ANKS1B: variants seen among roughly 807,000 people sequenced by gnomAD.
ANKS1B encodes ankyrin repeat and sterile alpha motif domain-containing protein 1B.
ANKS1B carries 36 observed loss-of-function variants against 148.3 expected under a neutral mutation model. That is an observed-to-expected ratio of 0.24 (90% confidence interval 0.19 to 0.32). ANKS1B has a LOEUF of 0.32. Among genes scored for constraint, ANKS1B ranks in the 10% least tolerant of loss-of-function variants. The pLI is 1.00. For missense variants in ANKS1B, 1,157 were observed against 1,542.6 expected (o/e 0.75, Z 4.19); for synonymous variants, 542 against 560.8 (o/e 0.97, Z 0.47).
At chr12:98,765,061 A>G (rs1031011871) in intron 25 of ANKS1B, among the ~76,000 whole-genome samples, 4 of 152,242 alleles carry the variant, frequency 2.6e-5, no homozygotes, top group African/African-American at 9.6e-5. Flanking sequence ...AAACCGGGAC[A>G]TAAAGCCTCA....
intron 17 of ANKS1B, among the ~76,000 whole-genome samples, chr12:98,858,411 A>G (rs556800113): frequency 6.6e-6 from 1 of 152,340 alleles, no homozygotes; most frequent in African/African-American, 2.4e-5. Context: ...TGCTGAGATC[A>G]TGGCTCACTG....
At chr12:98,949,823 T>G (rs2099851361) in intron 17 of ANKS1B, 2 of 152,192 alleles carry the variant, frequency 1.3e-5, no homozygotes, top group Non-Finnish European at 2.9e-5. Flanking sequence ...ATCTACTGAT[T>G]TTCTGATCTG....
At chr12:98,935,392 T>C (rs2099817626) in intron 17 of ANKS1B, among the ~76,000 whole-genome samples, 1 of 152,224 alleles carries the variant, frequency 6.6e-6, no homozygotes, top group Admixed American at 6.5e-5. Flanking sequence ...TTGTTGAAGA[T>C]TTCTGCATCT....
At chr12:99,253,675 T>C (rs545523516) in intron 12 of ANKS1B, among the ~76,000 whole-genome samples, 6 of 152,292 alleles carry the variant, frequency 3.9e-5, no homozygotes, top group African/African-American at 1.2e-4. Context: ...ATTTAAAAGT[T>C]TGACTAGGAA....
At chr12:99,556,626 G>T (rs918953181) in intron 9 of ANKS1B, among the ~76,000 whole-genome samples, 1 of 152,088 alleles carries the variant, frequency 6.6e-6, no homozygotes, top group Non-Finnish European at 1.5e-5. Context: ...ATGTCCCAGA[G>T]ATTCTGATAT....
intron 9 of ANKS1B, chr12:99,647,899 C>T (rs1055206824): frequency 7.0e-6 from 3 of 426,416 alleles, no homozygotes; most frequent in African/African-American, 5.8e-5. Flanking sequence ...TGTGCCCGGA[C>T]ATCCACGAGG....
At chr12:98,916,948 C>A (rs2099795162) in intron 17 of ANKS1B, among the ~76,000 whole-genome samples, 1 of 151,568 alleles carries the variant, frequency 6.6e-6, no homozygotes, top group African/African-American at 2.4e-5. Flanking sequence ...TTATAGCAGC[C>A]CTAGTATTCA....
intron 9 of ANKS1B, among the ~76,000 whole-genome samples, chr12:99,642,573 T>C (rs918565648): frequency 1.3e-5 from 2 of 152,132 alleles, no homozygotes; most frequent in South Asian, 4.1e-4. Context: ...TCCAGCACTT[T>C]GGGAGGCCGA....
rs571086688 is a variant in ANKS1B, at chr12:98,994,802, A to G, written c.2778+58355T>C. Among the ~76,000 whole-genome samples, 12 of 152,242 alleles carry G rather than the reference A, an allele frequency of 7.9e-5. No individual in the cohort carries two copies. The South Asian group carries it at 2.5e-3, about 32-fold the overall frequency. ...ATTTCCTCTTTCTTATAAGGACACC[A>G]GTCGTGTTGGATTAGGGCCTACCCT... On this transcript the variant is annotated intron_variant, in intron 17 of 26. Transcript: ENST00000683438.
chr12:99,966,254 T>C (rs1021399787), intron 1 of ANKS1B, among the ~76,000 whole-genome samples: 4 of 152,202 alleles, frequency 2.6e-5, no homozygotes, highest in African/African-American at 9.6e-5. Flanking sequence ...GGTCGAAGAA[T>C]GTCCTTGTCT....
In ANKS1B at chr12:98,751,867, C is replaced by T. The variant is rs942966235; in HGVS notation, c.3580-345G>A. Among the ~76,000 whole-genome samples, 1 of 152,200 alleles carries T rather than the reference C, an allele frequency of 6.6e-6. No homozygotes were observed. Among genetic ancestry groups the T allele is most frequent in the Non-Finnish European group, 1.5e-5 (1 of 68,036 alleles). ...AGCTACATACCTCCCTCACAATTTG[C>T]CCAAAAGGAAATTTCCTGTGGACAA... On this transcript the variant is annotated intron_variant, in intron 25 of 26. Transcript: ENST00000683438. This position sits in a 1 kb window ranked among gnomAD's most constrained non-coding sequence, Gnocchi z 4.3.
At chr12:99,016,729 C>G (rs4762539) in intron 17 of ANKS1B, among the ~76,000 whole-genome samples, 61,101 of 151,872 alleles carry the variant, frequency 0.4, 12,526 homozygotes, top group South Asian at 0.51. Flanking sequence ...ATACTCGAAG[C>G]CTCTCTTTTT....
chr12:98,842,598 T>C (rs1233965250), intron 17 of ANKS1B, among the ~76,000 whole-genome samples: 3 of 152,198 alleles, frequency 2.0e-5, no homozygotes, highest in Non-Finnish European at 2.9e-5. Context: ...AATGAAGTTG[T>C]TTTTGAAAAA....
At chr12:99,902,129 T>C (rs1051471522) in intron 1 of ANKS1B, among the ~76,000 whole-genome samples, 1 of 151,740 alleles carries the variant, frequency 6.6e-6, no homozygotes, top group Non-Finnish European at 1.5e-5. Context: ...AGTAAAAGAG[T>C]GATTCTAGAT....
intron 17 of ANKS1B, among the ~76,000 whole-genome samples, chr12:99,040,271 T>C: frequency 6.6e-6 from 1 of 151,286 alleles, no homozygotes; most frequent in South Asian, 2.1e-4. Flanking sequence ...TCTATGTGCG[T>C]GTGCGTGTGT....
At chr12:98,932,431 A>G (rs2099814496) in intron 17 of ANKS1B, among the ~76,000 whole-genome samples, 1 of 152,176 alleles carries the variant, frequency 6.6e-6, no homozygotes, top group African/African-American at 2.4e-5. Context: ...TCTTTGCAAA[A>G]CAAGTTTTGT....
intron 16 of ANKS1B, among the ~76,000 whole-genome samples, chr12:99,070,091 A>G (rs757129369): frequency 6.6e-6 from 1 of 152,200 alleles, no homozygotes; most frequent in Non-Finnish European, 1.5e-5. Flanking sequence ...GCACGTAGGC[A>G]ATTTTCTATT....
intron 9 of ANKS1B, among the ~76,000 whole-genome samples, chr12:99,632,767 A>ATATATATATATTTTTT (rs1441486862): frequency 9.8e-5 from 7 of 71,316 alleles, no homozygotes; most frequent in South Asian, 4.5e-4. Flanking sequence ...ATATATATAT[A>ATATATATATATTTTTT]TTTTAATTAT....
chr12:99,946,937 TTA>T (rs746713849), intron 1 of ANKS1B, among the ~76,000 whole-genome samples: 4 of 152,082 alleles, frequency 2.6e-5, no homozygotes, highest in South Asian at 4.1e-4. Flanking sequence ...TGACAAATGA[TTA>T]TGTTTTTAAG....
Sources: gnomAD v4.1 joint callset for allele counts (sites outside exome capture counted in the v4.1 genomes callset) on GRCh38, gnomAD v4.1.1 for gene constraint, Gnocchi (gnomAD v3.1) non-coding constraint, MANE v1.5 for transcripts, NCBI Gene and HGNC (gene_info 2026-07-23, HGNC 2026-07-21) for gene names.